MCC: variants seen among roughly 807,000 people sequenced by gnomAD.
MCC encodes MCC regulator of Wnt signaling pathway, also known as colorectal mutant cancer protein.
A neutral mutation model predicts 116.2 loss-of-function variants in MCC; 90 were observed. That is an observed-to-expected ratio of 0.77 (90% CI 0.65 to 0.92). The LOEUF is 0.92. MCC is among the 40% of genes least tolerant of loss of function. The pLI is 0.00. For synonymous variants in MCC, 578 were observed against 510.5 expected, an observed-to-expected ratio of 1.13 and a Z score of -1.78; for missense variants, 1,516 against 1,312.2, an observed-to-expected ratio of 1.16 and a Z score of -2.40.
chr5:113,281,924 A>G (rs960570201), intron 3 of MCC, among the ~76,000 whole-genome samples: 4 of 152,228 alleles, frequency 2.6e-5, no homozygotes, highest in Non-Finnish European at 4.4e-5. Context: ...GCAAAATATA[A>G]TAATAATATA....
chr5:113,337,245 C>A lies in MCC; in HGVS notation c.627+3274G>T, dbSNP rs542598125. Among the ~76,000 whole-genome samples the A allele has an allele frequency of 4.6e-5, 7 of 152,296 alleles. No individual in the cohort carries two copies. The South Asian group carries it at 1.4e-3, about 32-fold the overall frequency. ...GGACTTTTCAGTGGGTTTGCCACCACTCCAGCAGGCAGCTTCCCAGTGAAT... is the reference window on the plus strand; with the variant it reads ...GGACTTTTCAGTGGGTTTGCCACCAATCCAGCAGGCAGCTTCCCAGTGAAT... On this transcript the variant is annotated intron_variant, in intron 3 of 18. Coordinates refer to ENST00000408903, the MANE Select transcript of MCC (RefSeq NM_001085377.2).
At chr5:113,338,519 T>C (rs1011134958) in intron 3 of MCC, among the ~76,000 whole-genome samples, 2 of 152,312 alleles carry the variant, frequency 1.3e-5, no homozygotes, top group East Asian at 3.9e-4. Flanking sequence ...TCCCACAGTT[T>C]TCAATAGCAG....
At chr5:113,392,427 C>T (rs1769424534) in intron 1 of MCC, among the ~76,000 whole-genome samples, 2 of 151,726 alleles carry the variant, frequency 1.3e-5, no homozygotes, top group African/African-American at 4.8e-5. Flanking sequence ...CTTACAATAC[C>T]AAGTGCTGAC....
chr5:113,304,261 G>T (rs1254796121), intron 3 of MCC, among the ~76,000 whole-genome samples: 1 of 152,320 alleles, frequency 6.6e-6, no homozygotes, highest in East Asian at 1.9e-4. Context: ...TTGGGATGCA[G>T]TAGGTAATTT....
intron 3 of MCC, among the ~76,000 whole-genome samples, chr5:113,324,430 A>G (rs1050577648): frequency 6.6e-5 from 10 of 152,354 alleles, no homozygotes; most frequent in African/African-American, 2.4e-4. Flanking sequence ...GTAAATGTGC[A>G]AAAGAGAAGA....
intron 3 of MCC, among the ~76,000 whole-genome samples, chr5:113,247,220 G>A (rs1441735334): frequency 6.6e-6 from 1 of 152,208 alleles, no homozygotes; most frequent in Non-Finnish European, 1.5e-5. Flanking sequence ...CCAGAAGTGG[G>A]GGTTTCATCA....
At chr5:113,464,080 A>G (rs1429653386) in intron 1 of MCC, among the ~76,000 whole-genome samples, 1 of 149,012 alleles carries the variant, frequency 6.7e-6, no homozygotes, top group Non-Finnish European at 1.5e-5. Context: ...CTTTTTATTT[A>G]CTGACAAGGT....
intron 3 of MCC, among the ~76,000 whole-genome samples, chr5:113,152,272 CCA>C (rs1319748714): frequency 6.6e-6 from 1 of 152,212 alleles, no homozygotes; most frequent in Non-Finnish European, 1.5e-5. Flanking sequence ...CACACACCTA[CCA>C]CACATGTGCC....
At chr5:113,065,978 C>A (rs1753573457) in intron 13 of MCC, among the ~76,000 whole-genome samples, 1 of 152,218 alleles carries the variant, frequency 6.6e-6, no homozygotes, top group Non-Finnish European at 1.5e-5. Flanking sequence ...ATTTCTCTGA[C>A]AAACTTCATG....
At chr5:113,044,815 C>A (rs1751963051) in intron 16 of MCC, among the ~76,000 whole-genome samples, 1 of 152,208 alleles carries the variant, frequency 6.6e-6, no homozygotes, top group Admixed American at 6.5e-5. Context: ...CTCAGGTAAT[C>A]CACCCACCTT....
chr5:113,212,891 C>T lies in MCC; in HGVS notation c.628-61469G>A, dbSNP rs139135868. 1.6e-3 allele frequency among the ~76,000 whole-genome samples: 250 copies of T among 152,338 alleles called. 4 individuals are homozygous for T. Among genetic ancestry groups the T allele is most frequent in the Middle Eastern group, 0.014 (4 of 294 alleles). On this transcript the variant is annotated intron_variant, in intron 3 of 18. Coordinates refer to ENST00000408903, the MANE Select transcript of MCC (RefSeq NM_001085377.2). The stretch of plus-strand genomic sequence containing the variant: ...CACCTTGCTCCAGCTCTTTAAGCTG[C>T]CCTCCTGCCTACTAATACCTTTCAT...
At chr5:113,211,579 T>C (rs1763138139) in intron 3 of MCC, among the ~76,000 whole-genome samples, 3 of 152,216 alleles carry the variant, frequency 2.0e-5, no homozygotes, top group African/African-American at 7.2e-5. Context: ...CCATGTTAAC[T>C]TTTCATGTAA....
At chr5:113,027,608 G>T (rs1750648818) in intron 18 of MCC, 126 bp from the exon 19 acceptor site, 3 of 877,168 alleles carry the variant, frequency 3.4e-6, no homozygotes, top group Non-Finnish European at 3.6e-6. Flanking sequence ...ATCCTCTTCG[G>T]TAAGAATCTG....
chr5:113,363,930 T>C (rs34316732), intron 2 of MCC, among the ~76,000 whole-genome samples: 26,246 of 151,742 alleles, frequency 0.17, 2,474 homozygotes, highest in Non-Finnish European at 0.22. Context: ...AACGAAGAAA[T>C]AGGCCAAAAG....
At chr5:113,185,356 C>T (rs1338370875) in intron 3 of MCC, among the ~76,000 whole-genome samples, 1 of 152,172 alleles carries the variant, frequency 6.6e-6, no homozygotes, top group Non-Finnish European at 1.5e-5. Flanking sequence ...CACACACACA[C>T]ACACCATACA....
At chr5:113,297,519 C>A (rs998638961) in intron 3 of MCC, among the ~76,000 whole-genome samples, 1 of 151,428 alleles carries the variant, frequency 6.6e-6, no homozygotes, top group East Asian at 1.9e-4. Context: ...AAGCCGAGAC[C>A]GCACCACCAC....
At chr5:113,479,496 C>T (rs868140053) in intron 1 of MCC, among the ~76,000 whole-genome samples, 114 of 152,098 alleles carry the variant, frequency 7.5e-4, no homozygotes, top group African/African-American at 2.6e-3. Flanking sequence ...TCGGTTAGCT[C>T]TTCTCAAAAG....
intron 3 of MCC, among the ~76,000 whole-genome samples, chr5:113,232,810 G>A (rs1321031105): frequency 6.6e-6 from 1 of 152,120 alleles, no homozygotes; most frequent in Admixed American, 6.5e-5. Context: ...CTTTAAGGAG[G>A]CTTGGAGCCA....
At chr5:113,474,763 T>C (rs1010839101) in intron 1 of MCC, among the ~76,000 whole-genome samples, 6 of 152,202 alleles carry the variant, frequency 3.9e-5, no homozygotes, top group East Asian at 1.9e-4. Context: ...ACTGATTTCA[T>C]CCTTTGCCTA....
Sources: allele counts gnomAD v4.1 joint callset (sites outside exome capture counted in the v4.1 genomes callset), GRCh38; gene constraint gnomAD v4.1.1; transcripts MANE v1.5; gene names NCBI Gene and HGNC (gene_info 2026-07-23, HGNC 2026-07-21).